Variants in UBXN6 observed in about 807,000 individuals in gnomAD.
UBXN6 encodes UBX domain-containing protein 6.
In UBXN6, 44 loss-of-function variants were observed where a neutral mutation model predicts 51.4. That is an observed-to-expected ratio of 0.86 (90% CI 0.67 to 1.10). The LOEUF (loss-of-function observed/expected upper bound fraction) is 1.10, where lower values mean the gene tolerates loss of function less well. Among genes scored for constraint, UBXN6 ranks in the 50% least tolerant of loss-of-function variants. The pLI is 0.00. For synonymous variants in UBXN6, 316 were observed against 263.2 expected, an observed-to-expected ratio of 1.20 and a Z score of -1.94; for missense variants, 672 against 596.1, an observed-to-expected ratio of 1.13 and a Z score of -1.32.
intron 2 of UBXN6, 34 bp downstream of exon 2, chr19:4,453,896 C>T (rs781404101): frequency 1.3e-6 from 2 of 1,598,500 alleles, no homozygotes; most frequent in South Asian, 1.1e-5. Context: ...CCTCAAACAG[C>T]CCCAACCTGG....
intron 4 of UBXN6, among the ~76,000 whole-genome samples, 169 bp downstream of exon 4, chr19:4,452,189 ACAGATG>A (rs1974663956): frequency 1.3e-5 from 2 of 151,074 alleles, no homozygotes; most frequent in African/African-American, 4.9e-5. Context: ...GAGAGGAGAT[ACAGATG>A]CATACACAAT....
chr19:4,457,470 C>T (rs1389144920), intron 1 of UBXN6, 145 bp downstream of exon 1: 3 of 462,268 alleles, frequency 6.5e-6, no homozygotes, highest in Non-Finnish European at 9.9e-6. Context: ...CGTCCGCCCC[C>T]GGCGCCTCTC....
In UBXN6 at chr19:4,445,583, A is replaced by G. The variant is rs1320346028; in HGVS notation, c.1241T>C (p.Val414Ala). The change falls in exon 11 of 11, where the codon GTG (valine) becomes GCG (alanine). Residue 414 changes from valine to alanine, a missense_variant. Coordinates refer to ENST00000301281, the MANE Select transcript of UBXN6 (RefSeq NM_025241.3). Reference protein sequence around the residue: ...ALLTFSWDMAVLEDIKAAGAE... With the variant: ...ALLTFSWDMAALEDIKAAGAE... ...CCCCGCGGCCTTGATGTCCTCCAGC[A>G]CAGCCATGTCCCACGAGAAGGTCAG... is the stretch of plus-strand genomic sequence containing the variant. 1 of 1,613,750 alleles carries G rather than the reference A, an allele frequency of 6.2e-7. No individual in the cohort carries two copies. Among genetic ancestry groups the G allele is most frequent in the East Asian group, 2.2e-5 (1 of 44,878 alleles).
At position 4,457,648 on chromosome 19, in the gene UBXN6, G is replaced by A; in HGVS notation, c.50C>T (p.Ala17Val). 1.2e-6 allele frequency: 2 copies of A among 1,602,606 alleles called. No homozygotes were observed. Among genetic ancestry groups the A allele is most frequent in the South Asian group, 1.1e-5 (1 of 90,516 alleles). ...EFKADIKFKSAGPGQKLKESV... is the reference protein window; with the variant it reads ...EFKADIKFKSVGPGQKLKESV... Reference sequence around the variant, plus strand: ...CTCTTTGAGCTTCTGACCGGGTCCCGCGCTCTTGAACTTGATGTCGGCCTT... The same window carrying A: ...CTCTTTGAGCTTCTGACCGGGTCCCACGCTCTTGAACTTGATGTCGGCCTT... Residue 17 changes from alanine (A) to valine (V), a missense_variant, in exon 1 of 11, where the codon GCG becomes GTG. Coordinates refer to ENST00000301281, the MANE Select transcript of UBXN6 (RefSeq NM_025241.3).
At chr19:4,447,470 G>T (rs1357588656) in intron 6 of UBXN6, 80 bp downstream of exon 6, 2 of 1,516,182 alleles carry the variant, frequency 1.3e-6, no homozygotes, top group Non-Finnish European at 1.8e-6. Context: ...CCCACCGCCT[G>T]GTGTGGGCCA....
At chr19:4,445,895 GC>G (rs746596029) in intron 10 of UBXN6, 153 bp downstream of exon 10, 9 of 1,284,694 alleles carry the variant, frequency 7.0e-6, no homozygotes, top group Non-Finnish European at 9.5e-6. Context: ...AGGCCCTGCT[GC>G]CAGTAAGTGG....
At chr19:4,457,297 C>T (rs1338124933) in intron 1 of UBXN6, among the ~76,000 whole-genome samples, 1 of 149,086 alleles carries the variant, frequency 6.7e-6, no homozygotes, top group Non-Finnish European at 1.5e-5. Flanking sequence ...TGCATCGGAC[C>T]CTCCTGCGGC....
At chr19:4,457,864 C>A, upstream of UBXN6, 1 of 449,332 alleles carries the variant, frequency 2.2e-6, no homozygotes. Context: ...CCTGGCCTGC[C>A]ACGTGACAAT....
At chr19:4,457,873 A>C, upstream of UBXN6, 3 of 415,268 alleles carry the variant, frequency 7.2e-6, no homozygotes, top group Non-Finnish European at 1.2e-5. Flanking sequence ...CCACGTGACA[A>C]TCGACTAGAC....
rs751237087 is a variant in UBXN6, at chr19:4,452,414, T to C, written c.391A>G (p.Thr131Ala). The change falls in exon 4 of 11, where the codon ACC (threonine) becomes GCC (alanine). Residue 131 changes from threonine to alanine, a missense_variant. Physicochemically the swap from Thr to Ala is moderately conservative, Grantham distance 58. Transcript: ENST00000301281. ...GCGTCCCGCTGGTCCTTCCTCAGGG[T>C]GGCCCCAGTGAGCGGACAGGTGAAG... ...VYFTCPLTGA[T>A]LRKDQRDACI... 2 of 1,612,986 alleles carry C rather than the reference T, an allele frequency of 1.2e-6. No homozygotes were observed. The highest frequency in any genetic ancestry group is 8.5e-7 in the Non-Finnish European group (1 of 1,179,966).
At chr19:4,457,555 ATC>A in intron 1 of UBXN6, 58 bp downstream of exon 1, 2 of 1,452,308 alleles carry the variant, frequency 1.4e-6, no homozygotes, top group African/African-American at 1.6e-5. Context: ...AAGGCCCCAG[ATC>A]TCTCTCCCCG....
chr19:4,445,457 T>C lies in UBXN6; in HGVS notation c.*41A>G, dbSNP rs1466285037. ...GGCGGGGAGAGGAACAGGGAGAGCATGAGACAGACCCACAGGGCTGAGGCC... is the reference window on the plus strand; with the variant it reads ...GGCGGGGAGAGGAACAGGGAGAGCACGAGACAGACCCACAGGGCTGAGGCC... On this transcript the variant is annotated 3_prime_UTR_variant, in exon 11 of 11. Transcript: ENST00000301281. 6.2e-7 allele frequency: 1 copy of C among 1,612,068 alleles called. No individual in the cohort carries two copies. The highest frequency in any genetic ancestry group is 8.5e-7 in the Non-Finnish European group (1 of 1,179,144).
chr19:4,446,448 G>C, intron 8 of UBXN6, 35 bp from the exon 9 acceptor site: 1 of 1,581,218 alleles, frequency 6.3e-7, no homozygotes, highest in Non-Finnish European at 8.6e-7. Flanking sequence ...GGGCTGGCCG[G>C]GGTTCTTCCA....
In UBXN6 at chr19:4,452,429, G is replaced by C; in HGVS notation, c.376C>G (p.Pro126Ala). The C allele has an allele frequency of 6.2e-7, 1 of 1,612,884 alleles. No individual in the cohort carries two copies. The highest frequency in any genetic ancestry group is 8.5e-7 in the Non-Finnish European group (1 of 1,179,978). The change falls in exon 4 of 11, where the codon CCG becomes GCG. Residue 126 changes from proline (P) to alanine (A), a missense_variant. By Grantham distance (27) the Pro-to-Ala change is conservative. Transcript: ENST00000301281. ...TTCCTCAGGGTGGCCCCAGTGAGCGGACAGGTGAAGTACACGCCAGGCACA... is the reference window on the plus strand; with the variant it reads ...TTCCTCAGGGTGGCCCCAGTGAGCGCACAGGTGAAGTACACGCCAGGCACA... ...LAVPGVYFTC[P>A]LTGATLRKDQ...
Position 4,445,600 on chromosome 19 carries a change from G to A in UBXN6, c.1224C>T (p.Phe408=), listed in dbSNP as rs906429865. ...CCTCCAGCACAGCCATGTCCCACGA[G>A]AAGGTCAGGAGGGCAGAGGGCACCT... The part of the protein sequence containing the change: ...CGLVPSALLT[F]SWDMAVLEDI... Residue 408 remains phenylalanine, a synonymous_variant, in exon 11 of 11, where the codon TTC becomes TTT. Coordinates refer to ENST00000301281, the MANE Select transcript of UBXN6 (RefSeq NM_025241.3). 9 of 1,613,506 alleles carry A rather than the reference G, an allele frequency of 5.6e-6. No individual in the cohort carries two copies. Among genetic ancestry groups the A allele is most frequent in the Admixed American group, 1.7e-5 (1 of 60,004 alleles).
Position 4,446,694 on chromosome 19 carries a change from C to T in UBXN6, c.726G>A (p.Leu242=), listed in dbSNP as rs1974535821. The T allele has an allele frequency of 1.2e-6, 2 of 1,610,800 alleles. No individual in the cohort carries two copies. The highest frequency in any genetic ancestry group is 1.7e-6 in the Non-Finnish European group (2 of 1,178,298). The change falls in exon 8 of 11, where the codon CTG becomes CTA. Residue 242 remains leucine, a synonymous_variant. Coordinates refer to ENST00000301281, the MANE Select transcript of UBXN6 (RefSeq NM_025241.3). ...GGGGCTGGGCCAAGGTGGTCTCGCTCAGCACGTAGAACTCCTCGGGGTCCT... is the reference window on the plus strand; with the variant it reads ...GGGGCTGGGCCAAGGTGGTCTCGCTTAGCACGTAGAACTCCTCGGGGTCCT... The part of the protein sequence containing the change: ...DQEDPEEFYV[L]SETTLAQPQS...
intron 1 of UBXN6, chr19:4,455,370 C>A: frequency 2.3e-6 from 2 of 884,006 alleles, no homozygotes; most frequent in African/African-American, 3.6e-5. Context: ...CCTCCCACAG[C>A]TGAGCATCTT....
At chr19:4,453,224 G>A (rs775656886) in intron 3 of UBXN6, among the ~76,000 whole-genome samples, 8 of 152,176 alleles carry the variant, frequency 5.3e-5, no homozygotes, top group Admixed American at 1.3e-4. Flanking sequence ...GGGAGGGAGC[G>A]ATGGGCTCGT....
At position 4,446,038 on chromosome 19, in the gene UBXN6, C is replaced by A; in HGVS notation, c.1200+11G>T. ...ATCGGGTCAGCGGTGCTCCTGCGGG[C>A]CGACACTCACCAGCCCGCACTCGTT... On this transcript the variant is annotated intron_variant, in intron 10 of 10. Transcript: ENST00000301281. 6.2e-7 allele frequency: 1 copy of A among 1,604,698 alleles called. No homozygotes were observed. Among genetic ancestry groups the A allele is most frequent in the Non-Finnish European group, 8.5e-7 (1 of 1,175,540 alleles).
Sources: allele counts gnomAD v4.1 joint callset (sites outside exome capture counted in the v4.1 genomes callset), GRCh38; gene constraint gnomAD v4.1.1; transcripts MANE v1.5; gene names NCBI Gene and HGNC (gene_info 2026-07-23, HGNC 2026-07-21).